BAZ2B: variants seen among roughly 807,000 people sequenced by gnomAD.
The protein encoded by BAZ2B is bromodomain adjacent to zinc finger domain 2B, also known as bromodomain adjacent to zinc finger domain protein 2B.
A neutral mutation model predicts 246.0 loss-of-function variants in BAZ2B; 91 were observed. The observed-to-expected ratio is 0.37, with a 90% CI of 0.31 to 0.44. The LOEUF is 0.44. Among genes scored for constraint, BAZ2B ranks in the 20% least tolerant of loss-of-function variants. The pLI is 1.00. For missense variants in BAZ2B, 2,332 were observed against 2,533.7 expected (o/e 0.92, Z 1.71); for synonymous variants, 855 against 860.0 (o/e 0.99, Z 0.10).
At chr2:159,670,462 C>T in the BAZ2B span, among the ~76,000 whole-genome samples, 1 of 152,126 alleles carries the variant, frequency 6.6e-6, no homozygotes, top group African/African-American at 2.4e-5. Flanking sequence ...AACACATACA[C>T]CTTGCAAGCA....
intron 3 of BAZ2B, among the ~76,000 whole-genome samples, chr2:159,467,188 A>G (rs549947649): frequency 1.3e-5 from 2 of 152,306 alleles, no homozygotes; most frequent in South Asian, 2.1e-4. Flanking sequence ...GACAAATTTG[A>G]GAAGGCAGGC....
chr2:159,666,570 T>C, the BAZ2B span, among the ~76,000 whole-genome samples: 2 of 152,164 alleles, frequency 1.3e-5, no homozygotes, highest in South Asian at 4.1e-4. Flanking sequence ...GATTCATACT[T>C]TTAAAATTCT....
rs2074545040 is a variant in BAZ2B, at chr2:159,448,269, T to C, written c.475A>G (p.Lys159Glu). The C allele has an allele frequency of 6.2e-6, 10 of 1,612,816 alleles. No individual in the cohort carries two copies. The Middle Eastern group carries it at 1.7e-3, about 266-fold the overall frequency. Residue 159 changes from lysine to glutamate, a missense_variant, in exon 5 of 37, where the codon AAA becomes GAA. Coordinates refer to ENST00000392783, the MANE Select transcript of BAZ2B (RefSeq NM_013450.4). Reference sequence around the variant, plus strand: ...TTTTCGGGACCATTTCGATTACTTTTTCCCGAAGTCCTTGAATGGAATGAA... The same window carrying C: ...TTTTCGGGACCATTTCGATTACTTTCTCCCGAAGTCCTTGAATGGAATGAA... ...SSSFHSRTSG[K>E]SNRNGPEKGV...
At chr2:159,488,778 T>C (rs750857537) in intron 2 of BAZ2B, among the ~76,000 whole-genome samples, 4 of 152,158 alleles carry the variant, frequency 2.6e-5, no homozygotes, top group Non-Finnish European at 4.4e-5. Context: ...TGATCAACAA[T>C]GAAATGAGCT....
chr2:159,370,378 C>CTTTTTTTT (rs55760591), intron 27 of BAZ2B, among the ~76,000 whole-genome samples: 1 of 92,258 alleles, frequency 1.1e-5, no homozygotes, highest in African/African-American at 4.0e-5. Flanking sequence ...ACTGTACTAC[C>CTTTTTTTT]TTTTTTTTTT....
intron 2 of BAZ2B, among the ~76,000 whole-genome samples, chr2:159,514,960 T>C (rs2083282185): frequency 6.6e-6 from 1 of 152,110 alleles, no homozygotes; most frequent in Admixed American, 6.5e-5. Flanking sequence ...TATCAAAAAT[T>C]ACTGAGTTAC....
At chr2:159,481,054 A>G (rs2079166994) in intron 2 of BAZ2B, among the ~76,000 whole-genome samples, 1 of 118,322 alleles carries the variant, frequency 8.5e-6, no homozygotes, top group African/African-American at 3.5e-5. Context: ...AGTTCATCTT[A>G]CACATACCCT....
intron 2 of BAZ2B, among the ~76,000 whole-genome samples, chr2:159,481,681 T>C (rs1013271982): frequency 6.6e-6 from 1 of 150,832 alleles, no homozygotes; most frequent in African/African-American, 2.4e-5. Context: ...TTCCCAAAAC[T>C]ACACAAACTC....
chr2:159,692,839 A>G, the BAZ2B span, among the ~76,000 whole-genome samples: 1 of 152,244 alleles, frequency 6.6e-6, no homozygotes, highest in Non-Finnish European at 1.5e-5. Flanking sequence ...CCAAGGCTGT[A>G]GCACAATGGT....
At chr2:159,625,225 G>A in the BAZ2B span, among the ~76,000 whole-genome samples, 1 of 152,148 alleles carries the variant, frequency 6.6e-6, no homozygotes, top group Admixed American at 6.5e-5. Flanking sequence ...GAAAATAACA[G>A]AGAGAATAGA....
chr2:159,444,497 T>C (rs1322967187), intron 6 of BAZ2B: 1 of 152,216 alleles, frequency 6.6e-6, no homozygotes, highest in South Asian at 2.1e-4. Context: ...AGGAAATATA[T>C]CTATGAAATA....
At chr2:159,507,076 A>G (rs1260230680) in intron 2 of BAZ2B, among the ~76,000 whole-genome samples, 1 of 152,198 alleles carries the variant, frequency 6.6e-6, no homozygotes, top group East Asian at 1.9e-4. Flanking sequence ...CTATAATTAT[A>G]AAAGTTTTAG....
the BAZ2B span, among the ~76,000 whole-genome samples, chr2:159,646,980 T>C: frequency 5.3e-5 from 8 of 152,168 alleles, no homozygotes; most frequent in African/African-American, 1.9e-4. Flanking sequence ...CTCTGCTGTT[T>C]TCCCTCTGAG....
At chr2:159,521,465 T>A (rs1339213980) in intron 2 of BAZ2B, among the ~76,000 whole-genome samples, 1 of 152,084 alleles carries the variant, frequency 6.6e-6, no homozygotes, top group Admixed American at 6.5e-5. Context: ...ACAATATTCA[T>A]TTTTCTGCAG....
chr2:159,658,645 G>A, the BAZ2B span, among the ~76,000 whole-genome samples: 4 of 152,250 alleles, frequency 2.6e-5, no homozygotes, highest in African/African-American at 9.6e-5. Flanking sequence ...AGCCTCCCAA[G>A]TAGCTGGGAC....
At chr2:159,321,748 C>T (rs2148727598) in intron 36 of BAZ2B, 1 of 152,144 alleles carries the variant, frequency 6.6e-6, no homozygotes, top group South Asian at 2.1e-4. Flanking sequence ...GGATGGTTAC[C>T]AGAGGCTGGG....
At chr2:159,625,293 C>T in the BAZ2B span, among the ~76,000 whole-genome samples, 1 of 152,126 alleles carries the variant, frequency 6.6e-6, no homozygotes, top group Non-Finnish European at 1.5e-5. Flanking sequence ...CCTAGCAAGA[C>T]AGGCCAACAT....
chr2:159,335,493 A>C (rs1330270468), intron 33 of BAZ2B, among the ~76,000 whole-genome samples: 1 of 149,368 alleles, frequency 6.7e-6, no homozygotes, highest in African/African-American at 2.5e-5. Flanking sequence ...GGTTGTAGTG[A>C]GCTGAGATTC....
chr2:159,432,897 A>G lies in BAZ2B; in HGVS notation c.1760T>C (p.Leu587Ser), dbSNP rs868408563. Reference protein sequence around the residue: ...TQHHSHPAKSLVEQFRGTDSD... With the variant: ...TQHHSHPAKSSVEQFRGTDSD... ...ATCTGTTCCTCTGAATTGTTCCACT[A>G]AAGATTTTGCAGGATGGGAGTGATG... Residue 587 changes from leucine to serine, a missense_variant, in exon 9 of 37, where the codon TTA becomes TCA. This residue lies in a region of BAZ2B where 651 missense variants were observed against 650.9 expected (regional missense o/e 1.00). Transcript: ENST00000392783. 1.1e-5 allele frequency: 17 copies of G among 1,613,988 alleles called. No individual in the cohort carries two copies. Among genetic ancestry groups the G allele is most frequent in the Middle Eastern group, 3.3e-4 (2 of 6,084 alleles).
Sources: allele counts gnomAD v4.1 joint callset (sites outside exome capture counted in the v4.1 genomes callset), GRCh38; gene constraint gnomAD v4.1.1; regional missense constraint gnomAD v4.1.1; transcripts MANE v1.5; gene names NCBI Gene and HGNC (gene_info 2026-07-23, HGNC 2026-07-21).